HIBCH: variants seen among roughly 807,000 people sequenced by gnomAD.
HIBCH encodes 3-hydroxyisobutyryl-CoA hydrolase, also known as 3-hydroxyisobutyryl-CoA hydrolase, mitochondrial.
A neutral mutation model predicts 58.2 loss-of-function variants in HIBCH; 50 were observed. The observed-to-expected ratio is 0.86, with a 90% CI of 0.68 to 1.09. HIBCH has a LOEUF of 1.09. Ranked by LOEUF, HIBCH falls within the 50% of genes least tolerant of loss-of-function variation. The pLI, the probability that HIBCH is intolerant of heterozygous loss-of-function variation, is 0.00. For synonymous variants in HIBCH, 151 were observed against 146.9 expected (o/e 1.03, Z -0.20); for missense variants, 450 against 449.7 (o/e 1.00, Z -0.01).
downstream of HIBCH, chr2:190,199,633 C>T (rs1380789027): frequency 9.9e-7 from 1 of 1,009,636 alleles, no homozygotes; most frequent in Non-Finnish European, 1.3e-6. Flanking sequence ...TTTTTACATG[C>T]CACTCAATCA....
At chr2:190,234,084 G>T (rs1188980189) in intron 11 of HIBCH, among the ~76,000 whole-genome samples, 3 of 152,174 alleles carry the variant, frequency 2.0e-5, no homozygotes, top group Non-Finnish European at 4.4e-5. Context: ...TTAAACCTGG[G>T]AGGTGGAGCT....
Position 190,290,358 on chromosome 2 carries a change from C to T in HIBCH, c.385+47G>A, listed in dbSNP as rs767445464. The T allele has an allele frequency of 2.3e-5, 30 of 1,287,264 alleles. 1 individual carries two copies. In the South Asian group the frequency reaches 3.3e-4, roughly 14 times the overall value. The allele number at this position is 1,287,264 out of a possible 1,614,324, so 79.7% of individuals were successfully genotyped here. ...TTTTAACAAAGTACATACTGTCCAC[C>T]TCATTTCTTTATTCCATTTCCAAAG... On this transcript the variant is annotated intron_variant, in intron 5 of 13. Coordinates refer to ENST00000359678, the MANE Select transcript of HIBCH (RefSeq NM_014362.4).
At chr2:190,273,699 T>TC (rs1687468216) in intron 6 of HIBCH, among the ~76,000 whole-genome samples, 1 of 25,116 alleles carries the variant, frequency 4.0e-5, no homozygotes, top group Non-Finnish European at 2.2e-4. Context: ...ATCTTCCAGT[T>TC]TTTTTAAAAA....
At chr2:190,196,426 CTT>C (rs1413520814) in intron 1 of HIBCH, among the ~76,000 whole-genome samples, 8 of 150,866 alleles carry the variant, frequency 5.3e-5, no homozygotes, top group African/African-American at 1.9e-4. Context: ...CTCTGAGATT[CTT>C]TTTTTGTTCA....
rs558760092 is a variant in HIBCH at position 190,226,099 on chromosome 2, G to A, written c.892-13024C>T. ...CTCTCGATAAACTAGGTATTGATGC[G>A]ACGTATCTCAAAATAATCAGAGCTA... On this transcript the variant is annotated intron_variant, in intron 11 of 13. Transcript: ENST00000359678. Among the ~76,000 whole-genome samples the A allele has an allele frequency of 6.6e-5, 10 of 152,240 alleles. No individual in the cohort carries two copies. In the South Asian group the frequency reaches 1.2e-3, roughly 19 times the overall value.
rs1027732015 is a variant in HIBCH at position 190,236,783 on chromosome 2, TTATATA to T, written c.891+8098_891+8103del. Reference sequence around the variant, plus strand: ...GTAATTTCTTAAAGGCATTAACAATTTATATAAAATGAAAAGATACTATCTAAAGAT... The same window carrying T: ...GTAATTTCTTAAAGGCATTAACAATTAAATGAAAAGATACTATCTAAAGAT... On this transcript the variant is annotated intron_variant, in intron 11 of 13. Transcript: ENST00000359678. The surrounding 1 kb of genome is among the most constrained non-coding windows in gnomAD (Gnocchi z 4.1). 3.9e-5 allele frequency among the ~76,000 whole-genome samples: 6 copies of T among 152,146 alleles called. No individual in the cohort carries two copies. Among genetic ancestry groups the T allele is most frequent in the African/African-American group, 1.4e-4 (6 of 41,432 alleles).
chr2:190,273,640 G>C (rs1275560540), intron 6 of HIBCH, among the ~76,000 whole-genome samples: 1 of 151,786 alleles, frequency 6.6e-6, no homozygotes, highest in Non-Finnish European at 1.5e-5. Context: ...TCCTCTCTCA[G>C]CTCCTGCTGT....
chr2:190,309,136 A>T (rs1036403734), intron 2 of HIBCH, among the ~76,000 whole-genome samples: 2 of 152,176 alleles, frequency 1.3e-5, no homozygotes. Flanking sequence ...AAGGGTTTTT[A>T]TATTTATGCA....
chr2:190,319,630 G>T, intron 1 of HIBCH, 86 bp downstream of exon 1: 1 of 1,182,362 alleles, frequency 8.5e-7, no homozygotes, highest in Non-Finnish European at 1.2e-6. Flanking sequence ...AAACTTCGAG[G>T]CCAGCAGTCT....
At chr2:190,259,319 A>ATGTGTGTGTGTGTGTGTGTGTGTGTGTG (rs370172555) in intron 7 of HIBCH, among the ~76,000 whole-genome samples, 13 of 122,206 alleles carry the variant, frequency 1.1e-4, no homozygotes, top group Non-Finnish European at 1.9e-4. Flanking sequence ...CAGTATACAG[A>ATGTGTGTGTGTGTGTGTGTGTGTGTGTG]TGTGTGTGTG....
At chr2:190,272,762 G>A (rs1205514617) in intron 6 of HIBCH, among the ~76,000 whole-genome samples, 1 of 152,040 alleles carries the variant, frequency 6.6e-6, no homozygotes, top group Non-Finnish European at 1.5e-5. Context: ...CTTAATGGGG[G>A]GGCAGGGAGA....
chr2:190,246,138 AT>A lies in HIBCH; in HGVS notation c.809+15del. Reference sequence around the variant, plus strand: ...CTTTCTAAAGGAATATATAACTGAGATCTCTTTTTAGGTACCTGTTTATTTT... The same window carrying A: ...CTTTCTAAAGGAATATATAACTGAGACTCTTTTTAGGTACCTGTTTATTTT... On this transcript the variant is annotated intron_variant, in intron 10 of 13. Coordinates refer to ENST00000359678, the MANE Select transcript of HIBCH (RefSeq NM_014362.4). 1 of 1,438,728 alleles carries A rather than the reference AT, an allele frequency of 7.0e-7. No individual in the cohort carries two copies. The highest frequency in any genetic ancestry group is 9.8e-7 in the Non-Finnish European group (1 of 1,021,588). 89.1% of individuals were successfully genotyped at this position (1,438,728 alleles called of 1,614,324 possible). A position where few individuals can be genotyped will look rare whatever the true frequency, so the allele number is the denominator to read the frequency against.
At chr2:190,314,361 A>G (rs1426618524) in intron 1 of HIBCH, among the ~76,000 whole-genome samples, 2 of 44,360 alleles carry the variant, frequency 4.5e-5, no homozygotes, top group Admixed American at 1.5e-4. Context: ...ATATATACGT[A>G]TATATATACG....
In HIBCH at chr2:190,216,819, G is replaced by C. The variant is rs1483159741; in HGVS notation, c.892-3744C>G. ...TTAAAAGTTCTGTTTCCCAGAGCTT[G>C]GCTGGGCTGGGGGAGGATCCCTGCA... On this transcript the variant is annotated intron_variant, in intron 11 of 13. Transcript: ENST00000359678. The surrounding 1 kb of genome is among the most constrained non-coding windows in gnomAD (Gnocchi z 4.2). Among the ~76,000 whole-genome samples the C allele has an allele frequency of 6.6e-6, 1 of 152,218 alleles. No individual in the cohort carries two copies. The highest frequency in any genetic ancestry group is 1.5e-5 in the Non-Finnish European group (1 of 68,022).
At chr2:190,222,743 C>T (rs758176440) in intron 11 of HIBCH, among the ~76,000 whole-genome samples, 4 of 152,144 alleles carry the variant, frequency 2.6e-5, no homozygotes, top group Admixed American at 6.5e-5. Flanking sequence ...ACTAGAAATA[C>T]CATTTGACCC....
intron 11 of HIBCH, among the ~76,000 whole-genome samples, chr2:190,223,388 A>T (rs886880343): frequency 6.6e-6 from 1 of 152,202 alleles, no homozygotes; most frequent in African/African-American, 2.4e-5. Flanking sequence ...GCATGCCACC[A>T]TGCCCTATTA....
chr2:190,230,497 C>G (rs1222542723), intron 11 of HIBCH, among the ~76,000 whole-genome samples: 1 of 152,206 alleles, frequency 6.6e-6, no homozygotes, highest in Non-Finnish European at 1.5e-5. Flanking sequence ...GAGTTCGAAA[C>G]CAGCCTGGCC....
At chr2:190,262,794 T>C (rs1490054986) in intron 6 of HIBCH, among the ~76,000 whole-genome samples, 3 of 152,246 alleles carry the variant, frequency 2.0e-5, no homozygotes, top group Non-Finnish European at 4.4e-5. Flanking sequence ...GTATGTTTTA[T>C]TTTAGCATTG....
chr2:190,317,725 A>G (rs1219067665), intron 1 of HIBCH, among the ~76,000 whole-genome samples: 1 of 152,218 alleles, frequency 6.6e-6, no homozygotes, highest in Non-Finnish European at 1.5e-5. Context: ...GGAGTGTGGG[A>G]GAACTTAGGT....
Sources: allele counts gnomAD v4.1 joint callset (sites outside exome capture counted in the v4.1 genomes callset), GRCh38; gene constraint gnomAD v4.1.1; non-coding constraint Gnocchi (gnomAD v3.1); transcripts MANE v1.5; gene names NCBI Gene and HGNC (gene_info 2026-07-23, HGNC 2026-07-21).